Variants in AP1S3 observed in about 807,000 individuals in gnomAD.
The protein encoded by AP1S3 is AP-1 complex subunit sigma-3.
AP1S3 carries 10 observed loss-of-function variants against 20.9 expected under a neutral mutation model. The ratio of observed to expected loss-of-function variants is 0.48; its 90% confidence interval spans 0.29 to 0.81. The LOEUF (loss-of-function observed/expected upper bound fraction) is 0.81, where lower values mean the gene tolerates loss of function less well. Among genes scored for constraint, AP1S3 ranks in the 30% least tolerant of loss-of-function variants. AP1S3 has a pLI of 0.08. For synonymous variants in AP1S3, 41 were observed against 61.5 expected (o/e 0.67, Z 1.56); for missense variants, 154 against 183.8 (o/e 0.84, Z 0.94).
chr2:223,805,175 A>ACGC lies in AP1S3; in HGVS notation c.4-27309_4-27307dup, dbSNP rs566849569. On this transcript the variant is annotated intron_variant, in intron 1 of 4. Transcript: ENST00000396654. ...TGTTATGGGCCAGATGCCGAGGCTC[A>ACGC]CGCCTCTAATCCGAGCACTTTGAGG... Among the ~76,000 whole-genome samples the ACGC allele has an allele frequency of 4.3e-3, 660 of 152,338 alleles. 5 individuals are homozygous for ACGC. The highest frequency in any genetic ancestry group is 0.014 in the African/African-American group (570 of 41,574).
At chr2:223,781,237 A>G (rs1456816226) in intron 1 of AP1S3, among the ~76,000 whole-genome samples, 1 of 151,864 alleles carries the variant, frequency 6.6e-6, no homozygotes. Context: ...TTCACTTTCT[A>G]TTGTGAATAG....
At chr2:223,775,576 C>G (rs55638739) in intron 3 of AP1S3, among the ~76,000 whole-genome samples, 2 of 152,116 alleles carry the variant, frequency 1.3e-5, no homozygotes, top group Non-Finnish European at 2.9e-5. Context: ...CACGGTAGCT[C>G]ATGCCTATAA....
intron 3 of AP1S3, 70 bp from the exon 4 acceptor site, chr2:223,765,420 G>C (rs1489254893): frequency 2.0e-6 from 3 of 1,510,598 alleles, no homozygotes; most frequent in Non-Finnish European, 2.7e-6. Context: ...CCCGAATCTC[G>C]AGCTTTTTCA....
intron 3 of AP1S3, chr2:223,770,092 T>TA (rs1343007967): frequency 2.1e-6 from 3 of 1,462,860 alleles, no homozygotes; most frequent in Non-Finnish European, 2.7e-6. Flanking sequence ...CATGTAAAAA[T>TA]ATGCATCATT....
intron 1 of AP1S3, among the ~76,000 whole-genome samples, chr2:223,816,166 C>T (rs1559143456): frequency 6.6e-6 from 1 of 152,162 alleles, no homozygotes; most frequent in Admixed American, 6.6e-5. Flanking sequence ...TGTCATTTTG[C>T]TTAAAGACAC....
At chr2:223,836,849 C>G (rs541870868) in intron 1 of AP1S3, among the ~76,000 whole-genome samples, 7 of 152,300 alleles carry the variant, frequency 4.6e-5, no homozygotes, top group Admixed American at 4.6e-4. Context: ...ACCCGCCTCA[C>G]CTGGCAGAAG....
chr2:223,763,109 G>A (rs1042993096), intron 4 of AP1S3, among the ~76,000 whole-genome samples: 3 of 152,164 alleles, frequency 2.0e-5, no homozygotes, highest in African/African-American at 7.2e-5. Flanking sequence ...AACACTCTCT[G>A]TATTTGGCAA....
Position 223,811,711 on chromosome 2 carries a change from C to A in AP1S3, c.3+25737G>T, listed in dbSNP as rs16825562. Reference sequence around the variant, plus strand: ...ATTCTGATTCAACAGCTATTTGAGACTTGGGAGTTGTATTTATGTCTTGGG... The same window carrying A: ...ATTCTGATTCAACAGCTATTTGAGAATTGGGAGTTGTATTTATGTCTTGGG... On this transcript the variant is annotated intron_variant, in intron 1 of 4. Coordinates refer to ENST00000396654, the MANE Select transcript of AP1S3 (RefSeq NM_001039569.2). Among the ~76,000 whole-genome samples, 1,065 of 152,186 alleles carry A rather than the reference C, an allele frequency of 7.0e-3. 12 individuals are homozygous for A. Among genetic ancestry groups the A allele is most frequent in the African/African-American group, 0.025 (1,030 of 41,524 alleles).
intron 1 of AP1S3, among the ~76,000 whole-genome samples, chr2:223,783,496 C>G (rs997662996): frequency 1.3e-5 from 2 of 152,210 alleles, no homozygotes; most frequent in Non-Finnish European, 2.9e-5. Context: ...AGAACGCAAA[C>G]TTCTATGGGC....
At chr2:223,797,801 G>T (rs1023588341) in intron 1 of AP1S3, among the ~76,000 whole-genome samples, 3 of 152,116 alleles carry the variant, frequency 2.0e-5, no homozygotes, top group East Asian at 1.9e-4. Flanking sequence ...ATAAAACCTT[G>T]TTCAAGCTAA....
At chr2:223,810,021 C>T (rs67899857) in intron 1 of AP1S3, among the ~76,000 whole-genome samples, 48,949 of 151,804 alleles carry the variant, frequency 0.32, 8,315 homozygotes, top group Middle Eastern at 0.42. Flanking sequence ...CCACCGTGCC[C>T]GGCCTATTTT....
chr2:223,764,251 C>T (rs1644365125), intron 4 of AP1S3, among the ~76,000 whole-genome samples: 1 of 152,110 alleles, frequency 6.6e-6, no homozygotes, highest in East Asian at 1.9e-4. Context: ...CTTTACAATG[C>T]TCTGGATCCT....
chr2:223,818,740 G>A (rs1691917034), intron 1 of AP1S3, among the ~76,000 whole-genome samples: 1 of 151,980 alleles, frequency 6.6e-6, no homozygotes, highest in Non-Finnish European at 1.5e-5. Flanking sequence ...TCTTAGTAGA[G>A]ACGGGGTCTC....
chr2:223,787,239 T>C (rs1486733176), intron 1 of AP1S3, among the ~76,000 whole-genome samples: 1 of 152,242 alleles, frequency 6.6e-6, no homozygotes, highest in Non-Finnish European at 1.5e-5. Flanking sequence ...GAAGCCACTA[T>C]GCTTTCTATA....
chr2:223,761,351 G>A (rs1376180177), intron 4 of AP1S3, among the ~76,000 whole-genome samples: 1 of 152,084 alleles, frequency 6.6e-6, no homozygotes, highest in Non-Finnish European at 1.5e-5. Flanking sequence ...ACAGTGTTAG[G>A]GTGCACCTAG....
chr2:223,833,746 T>C (rs892816384), intron 1 of AP1S3, among the ~76,000 whole-genome samples: 2 of 152,192 alleles, frequency 1.3e-5, no homozygotes, highest in African/African-American at 4.8e-5. Flanking sequence ...TTGAAGGTAA[T>C]AACAGAGGAG....
At chr2:223,793,577 GAGAGCATCAGGAAGAATAGCTAAGGAGGA>G (rs897811279) in intron 1 of AP1S3, among the ~76,000 whole-genome samples, 3 of 152,084 alleles carry the variant, frequency 2.0e-5, no homozygotes, top group Non-Finnish European at 2.9e-5. Flanking sequence ...TAGGAGGAGG[GAGAGCATCAGGAAGAATAGCTAAGGAGGA>G]AGAGCATCAG....
chr2:223,826,595 A>AAACAT (rs150967284), intron 1 of AP1S3, among the ~76,000 whole-genome samples: 73,082 of 151,562 alleles, frequency 0.48, 17,662 homozygotes, highest in Middle Eastern at 0.57. Flanking sequence ...TCCGTCTCAG[A>AAACAT]AACAAAACAA....
rs1690518251 is a variant in AP1S3 at position 223,767,838 on chromosome 2, C to T, written c.292-2488G>A. Reference sequence around the variant, plus strand: ...ATTCTAGAGTTCAACCAACATACTTCCCCTTCCCCACTCATTCCTCTCCCT... The same window carrying T: ...ATTCTAGAGTTCAACCAACATACTTTCCCTTCCCCACTCATTCCTCTCCCT... On this transcript the variant is annotated intron_variant, in intron 3 of 4. Transcript: ENST00000396654. Among the ~76,000 whole-genome samples, 3 of 152,112 alleles carry T rather than the reference C, an allele frequency of 2.0e-5. No individual in the cohort carries two copies. In the South Asian group the frequency reaches 6.2e-4, roughly 32 times the overall value.
Sources: allele counts gnomAD v4.1 joint callset (sites outside exome capture counted in the v4.1 genomes callset), GRCh38; gene constraint gnomAD v4.1.1; transcripts MANE v1.5; gene names NCBI Gene and HGNC (gene_info 2026-07-23, HGNC 2026-07-21).